Variants in ZNF610 observed in about 807,000 individuals in gnomAD.
ZNF610 encodes the protein zinc finger protein 610, also known as zink finger protein.
A neutral mutation model predicts 14.1 loss-of-function variants in ZNF610; 14 were observed. The observed-to-expected ratio is 0.99, with a 90% CI of 0.65 to 1.55. ZNF610 has a LOEUF of 1.55. Among genes scored for constraint, ZNF610 ranks in the 40% most tolerant of loss-of-function variants. The pLI, the probability that ZNF610 is intolerant of heterozygous loss-of-function variation, is 0.00. For missense variants in ZNF610, 530 were observed against 558.0 expected, an observed-to-expected ratio of 0.95 and a Z score of 0.51; for synonymous variants, 185 against 187.6, an observed-to-expected ratio of 0.99 and a Z score of 0.11.
chr19:52,349,334 C>T, intron 3 of ZNF610, 99 bp downstream of exon 3: 1 of 1,395,116 alleles, frequency 7.2e-7, no homozygotes, highest in Non-Finnish European at 1.0e-6. Context: ...CATGCCTTCC[C>T]TCAGTCCCTT....
upstream of ZNF610, among the ~76,000 whole-genome samples, chr19:52,333,033 GC>G (rs1445712766): frequency 6.6e-6 from 1 of 152,118 alleles, no homozygotes; most frequent in Admixed American, 6.6e-5. Flanking sequence ...TCTTCCCTCA[GC>G]CCCAGTATCA....
rs1202082476 is a variant in ZNF610, at chr19:52,336,413, T to G, written c.-351T>G. 5.5e-6 allele frequency: 1 copy of G among 182,046 alleles called. No homozygotes were observed. Among genetic ancestry groups the G allele is most frequent in the East Asian group, 1.8e-4 (1 of 5,414 alleles). The allele number at this position is 182,046 out of a possible 1,614,324, so 11.3% of individuals were successfully genotyped here. ...ACCGCTCCCTCCACCCCGTGTAAAT[T>G]CAGGCGTCTCCGTGAGAGTCCGGCG... On this transcript the variant is annotated 5_prime_UTR_variant, in exon 1 of 6. In the 5' UTR this introduces an upstream ATG that the reference lacks. Coordinates refer to ENST00000403906, the MANE Select transcript of ZNF610 (RefSeq NM_001161425.2).
Position 52,353,775 on chromosome 19 carries a change from ATGT to A in ZNF610, c.160_162del (p.Leu54del). The A allele has an allele frequency of 6.2e-7, 1 of 1,613,324 alleles. No homozygotes were observed. The highest frequency in any genetic ancestry group is 1.3e-5 in the African/African-American group (1 of 75,000). On this transcript the variant is annotated inframe_deletion, in exon 4 of 6. Coordinates refer to ENST00000403906, the MANE Select transcript of ZNF610 (RefSeq NM_001161425.2). Reference sequence around the variant, plus strand: ...ACAGAGGGCTTTATACAGGGACGTGATGTTGGAGAACTACAGGAACCTGGTCTT... The same window carrying A: ...ACAGAGGGCTTTATACAGGGACGTGATGGAGAACTACAGGAACCTGGTCTT...
chr19:52,343,944 C>T (rs1171331633), intron 1 of ZNF610: 2 of 152,106 alleles, frequency 1.3e-5, no homozygotes, highest in Non-Finnish European at 2.9e-5. Context: ...AGGTCAGAAT[C>T]TCATATATGG....
At chr19:52,363,935 T>C (rs996082976) in intron 5 of ZNF610, among the ~76,000 whole-genome samples, 1 of 152,228 alleles carries the variant, frequency 6.6e-6, no homozygotes, top group Non-Finnish European at 1.5e-5. Flanking sequence ...ATTTTTCCCT[T>C]ACTGCCTGCT....
At chr19:52,361,609 AT>A (rs537399939) in intron 5 of ZNF610, among the ~76,000 whole-genome samples, 26,824 of 151,752 alleles carry the variant, frequency 0.18, 2,615 homozygotes, top group East Asian at 0.25. Context: ...TCTTTTTAAA[AT>A]TTATTTTAAT....
upstream of ZNF610, among the ~76,000 whole-genome samples, chr19:52,334,960 A>ACACACACACACACACACACAG (rs59969071): frequency 0.32 from 43,872 of 135,966 alleles, 7,380 homozygotes; most frequent in Non-Finnish European, 0.37. Context: ...CACACACACA[A>ACACACACACACACACACACAG]TGTAATTTAC....
intron 1 of ZNF610, chr19:52,345,093 A>G (rs1301548434): frequency 1.3e-5 from 2 of 152,092 alleles, no homozygotes; most frequent in Non-Finnish European, 2.9e-5. Context: ...GTCCCATGCT[A>G]TTTTGCCCAG....
chr19:52,355,530 G>A (rs1158546705), intron 5 of ZNF610, among the ~76,000 whole-genome samples: 1 of 152,178 alleles, frequency 6.6e-6, no homozygotes, highest in Non-Finnish European at 1.5e-5. Context: ...TCTTTACTGG[G>A]TTTTCTATAA....
At chr19:52,364,792 G>A (rs750628535) in intron 5 of ZNF610, among the ~76,000 whole-genome samples, 2 of 152,112 alleles carry the variant, frequency 1.3e-5, no homozygotes, top group Non-Finnish European at 2.9e-5. Context: ...TGGCCAGGCT[G>A]GTCTTGAACT....
At chr19:52,362,043 C>T (rs1383443576) in intron 5 of ZNF610, among the ~76,000 whole-genome samples, 1 of 152,198 alleles carries the variant, frequency 6.6e-6, no homozygotes, top group Admixed American at 6.5e-5. Flanking sequence ...ATCTCAGCCT[C>T]CTGAGTAGCT....
intron 1 of ZNF610, chr19:52,345,593 C>T (rs977357071): frequency 1.3e-5 from 2 of 152,198 alleles, no homozygotes; most frequent in African/African-American, 4.8e-5. Flanking sequence ...AATCCAGGAA[C>T]TTTCACAGTG....
chr19:52,366,151 A>G lies in ZNF610; in HGVS notation c.773A>G (p.Lys258Arg). 1.2e-6 allele frequency: 2 copies of G among 1,613,694 alleles called. No individual in the cohort carries two copies. Among genetic ancestry groups the G allele is most frequent in the South Asian group, 2.2e-5 (2 of 91,018 alleles). ...CATTGGAGAATTCATACTGGACAGA[A>G]GCCTTACAAATGTAGTGAATGTGAC... is the stretch of plus-strand genomic sequence containing the variant. ...VEHWRIHTGQ[K>R]PYKCSECDKV... The change falls in exon 6 of 6, where the codon AAG becomes AGG. Residue 258 changes from lysine to arginine, a missense_variant. Physicochemically the swap from Lys to Arg is conservative, Grantham distance 26. Coordinates refer to ENST00000403906, the MANE Select transcript of ZNF610 (RefSeq NM_001161425.2).
intron 5 of ZNF610, among the ~76,000 whole-genome samples, chr19:52,361,192 T>A (rs946538982): frequency 6.9e-6 from 1 of 145,226 alleles, no homozygotes; most frequent in Non-Finnish European, 1.5e-5. Flanking sequence ...TTTTTTTTTT[T>A]TCCGAGACAG....
At chr19:52,353,315 A>G (rs551786955) in intron 3 of ZNF610, among the ~76,000 whole-genome samples, 2 of 152,360 alleles carry the variant, frequency 1.3e-5, no homozygotes, top group South Asian at 4.1e-4. Context: ...ATAAATCAAT[A>G]AACTCCATTG....
chr19:52,352,148 A>G (rs943039946), intron 3 of ZNF610, among the ~76,000 whole-genome samples: 4 of 152,128 alleles, frequency 2.6e-5, no homozygotes, highest in Admixed American at 6.6e-5. Context: ...GTTAGGGGCC[A>G]TGTGTATATT....
At chr19:52,338,332 A>G (rs1600228369) in intron 1 of ZNF610, among the ~76,000 whole-genome samples, 1 of 152,340 alleles carries the variant, frequency 6.6e-6, no homozygotes, top group South Asian at 2.1e-4. Context: ...AAACCATATT[A>G]CAAAGGATAC....
chr19:52,340,206 G>T (rs755960924), intron 1 of ZNF610, among the ~76,000 whole-genome samples: 2 of 152,152 alleles, frequency 1.3e-5, no homozygotes, highest in Non-Finnish European at 2.9e-5. Flanking sequence ...TTCGAGACTA[G>T]CCTGGCCAAC....
At chr19:52,361,193 TC>T (rs1985756887) in intron 5 of ZNF610, among the ~76,000 whole-genome samples, 1 of 144,816 alleles carries the variant, frequency 6.9e-6, no homozygotes, top group Non-Finnish European at 1.5e-5. Flanking sequence ...TTTTTTTTTT[TC>T]CGAGACAGAG....
Sources: allele counts gnomAD v4.1 joint callset (sites outside exome capture counted in the v4.1 genomes callset), GRCh38; gene constraint gnomAD v4.1.1; transcripts MANE v1.5; gene names NCBI Gene and HGNC (gene_info 2026-07-23, HGNC 2026-07-21).